The following RARB variants were observed in gnomAD, a reference collection of about 807,000 sequenced individuals.
The protein encoded by RARB is retinoic acid receptor beta.
In RARB, 17 loss-of-function variants were observed where a neutral mutation model predicts 51.9. The ratio of observed to expected loss-of-function variants is 0.33; its 90% CI spans 0.22 to 0.49. The LOEUF is 0.49. Among genes scored for constraint, RARB ranks in the 20% least tolerant of loss-of-function variants. The pLI is 0.99. For synonymous variants in RARB, 215 were observed against 195.4 expected (o/e 1.10, Z -0.84); for missense variants, 369 against 550.8 (o/e 0.67, Z 3.30).
At chr3:25,318,124 C>G (rs1872142) in intron 5 of RARB, among the ~76,000 whole-genome samples, 1 of 151,584 alleles carries the variant, frequency 6.6e-6, no homozygotes, top group East Asian at 1.9e-4. Flanking sequence ...TTTAAATTAA[C>G]GAACAGAAAA....
intron 2 of RARB, among the ~76,000 whole-genome samples, chr3:25,479,154 T>C (rs1057250032): frequency 4.0e-5 from 6 of 150,674 alleles, no homozygotes; most frequent in Non-Finnish European, 8.9e-5. Context: ...CTGTCTGTCT[T>C]CTTTTTTTTT....
intron 5 of RARB, among the ~76,000 whole-genome samples, chr3:25,219,311 AG>A (rs1701896938): frequency 1.3e-5 from 2 of 152,282 alleles, no homozygotes; most frequent in South Asian, 4.2e-4. Context: ...GCAAAGACTA[AG>A]GAAGTCTCAA....
chr3:25,295,209 G>A (rs959226109), intron 5 of RARB, among the ~76,000 whole-genome samples: 3 of 152,128 alleles, frequency 2.0e-5, no homozygotes, highest in East Asian at 1.9e-4. Context: ...AACTGCTATG[G>A]TCAGAATATT....
chr3:24,847,904 G>A (rs2125334153), intron 1 of RARB, among the ~76,000 whole-genome samples: 1 of 152,248 alleles, frequency 6.6e-6, no homozygotes, highest in African/African-American at 2.4e-5. Context: ...GAAAGACCAG[G>A]GGTGCCCCAT....
In RARB at chr3:25,359,878, G is replaced by A. The variant is rs576858914; in HGVS notation, c.179-101315G>A. Among the ~76,000 whole-genome samples, 9 of 152,284 alleles carry A rather than the reference G, an allele frequency of 5.9e-5. No homozygotes were observed. In the South Asian group the frequency reaches 1.9e-3, roughly 32 times the overall value. Reference sequence around the variant, plus strand: ...TTTCTGTTCTTTTGCATTTGCTGAGGAATGTTTTACTTCCAATTATGTGGT... The same window carrying A: ...TTTCTGTTCTTTTGCATTTGCTGAGAAATGTTTTACTTCCAATTATGTGGT... On this transcript the variant is annotated intron_variant, in intron 5 of 11. Coordinates refer to the RARB transcript ENST00000383772.
intron 5 of RARB, among the ~76,000 whole-genome samples, chr3:25,292,364 G>A (rs1703810116): frequency 6.6e-6 from 1 of 152,072 alleles, no homozygotes; most frequent in Admixed American, 6.6e-5. Flanking sequence ...GGCAAAGTGG[G>A]GCACACACAG....
At chr3:25,039,360 T>A (rs1283852345) in intron 2 of RARB, among the ~76,000 whole-genome samples, 1 of 152,208 alleles carries the variant, frequency 6.6e-6, no homozygotes, top group Admixed American at 6.5e-5. Context: ...AGTAAAGCCT[T>A]TTAATTCTGA....
chr3:25,362,508 C>T (rs1036531462), intron 5 of RARB, among the ~76,000 whole-genome samples: 29 of 152,232 alleles, frequency 1.9e-4, no homozygotes, highest in Middle Eastern at 3.4e-3. Context: ...GCATTCCAGG[C>T]GCCACAGGGG....
At chr3:24,925,790 C>T (rs1046152841) in intron 2 of RARB, among the ~76,000 whole-genome samples, 7 of 151,942 alleles carry the variant, frequency 4.6e-5, no homozygotes, top group African/African-American at 1.5e-4. Flanking sequence ...CTTACTCTTG[C>T]CTACAAAATA....
At chr3:25,577,202 G>A (rs1287455591) in intron 4 of RARB, among the ~76,000 whole-genome samples, 1 of 152,168 alleles carries the variant, frequency 6.6e-6, no homozygotes, top group African/African-American at 2.4e-5. Flanking sequence ...ACACCCTCCG[G>A]TTCGCCCGCG....
chr3:25,468,845 T>C (rs546528978), intron 2 of RARB, among the ~76,000 whole-genome samples: 1 of 152,324 alleles, frequency 6.6e-6, no homozygotes, highest in African/African-American at 2.4e-5. Context: ...GTCCTTGCTC[T>C]CTACATTTTG....
At chr3:25,346,564 A>G (rs1260449564) in intron 5 of RARB, among the ~76,000 whole-genome samples, 1 of 152,166 alleles carries the variant, frequency 6.6e-6, no homozygotes, top group Non-Finnish European at 1.5e-5. Context: ...TTGCCCTTAG[A>G]AACTTCATCC....
intron 2 of RARB, among the ~76,000 whole-genome samples, chr3:24,909,171 C>T (rs1301087563): frequency 6.6e-6 from 1 of 152,084 alleles, no homozygotes; most frequent in Non-Finnish European, 1.5e-5. Context: ...TAGATGAGGG[C>T]CCAAGTCAGG....
At chr3:25,205,782 G>A (rs986888001) in intron 5 of RARB, among the ~76,000 whole-genome samples, 11 of 150,746 alleles carry the variant, frequency 7.3e-5, no homozygotes, top group Admixed American at 4.0e-4. Context: ...TCACTCTGTT[G>A]CCCTAGCTGG....
At chr3:25,421,507 G>A (rs908835958) in intron 5 of RARB, among the ~76,000 whole-genome samples, 12 of 146,888 alleles carry the variant, frequency 8.2e-5, no homozygotes, top group Admixed American at 4.1e-4. Flanking sequence ...CACCTCCCAG[G>A]TTCAAGCAAT....
rs771102305 is a variant in RARB at position 25,146,506 on chromosome 3, TG to T, written c.-280+14299del. Among the ~76,000 whole-genome samples the T allele has an allele frequency of 4.2e-3, 557 of 132,022 alleles. 47 individuals are homozygous for T. Among genetic ancestry groups the T allele is most frequent in the African/African-American group, 9.3e-3 (314 of 33,828 alleles). 86.6% of individuals were successfully genotyped at this position (132,022 alleles called of 152,430 possible). A position where few individuals can be genotyped will look rare whatever the true frequency, so the allele number is the denominator to read the frequency against. On this transcript the variant is annotated intron_variant, in intron 4 of 11. Transcript: ENST00000383772. Reference sequence around the variant, plus strand: ...TAATTTGCTAAGTTTTTTGTTTGTTTGTTTGTTTTTTTTTTTTTGAGACAAG... The same window carrying T: ...TAATTTGCTAAGTTTTTTGTTTGTTTTTTGTTTTTTTTTTTTTGAGACAAG...
chr3:25,312,443 A>G (rs1704313597), intron 5 of RARB, among the ~76,000 whole-genome samples: 1 of 152,298 alleles, frequency 6.6e-6, no homozygotes, highest in Admixed American at 6.5e-5. Context: ...GCAGCACGTC[A>G]GGACTGAAAC....
chr3:25,404,664 C>G (rs561255998), intron 5 of RARB, among the ~76,000 whole-genome samples: 2,472 of 152,146 alleles, frequency 0.016, 62 homozygotes, highest in African/African-American at 0.057. Flanking sequence ...AGGGGCATGG[C>G]GGGGAAGAAA....
chr3:24,906,614 G>A (rs1216973105), intron 2 of RARB, among the ~76,000 whole-genome samples: 1 of 151,928 alleles, frequency 6.6e-6, no homozygotes, highest in African/African-American at 2.4e-5. Flanking sequence ...AGGTTGAGGC[G>A]GGCAGATCAC....
Sources: gnomAD v4.1 joint callset for allele counts (sites outside exome capture counted in the v4.1 genomes callset) on GRCh38, gnomAD v4.1.1 for gene constraint, MANE v1.5 for transcripts, NCBI Gene and HGNC (gene_info 2026-07-23, HGNC 2026-07-21) for gene names.